MYH11: variants seen among roughly 807,000 people sequenced by gnomAD.
The protein encoded by MYH11 is myosin heavy chain 11.
MYH11 carries 80 observed loss-of-function variants against 246.6 expected under a neutral mutation model. The observed-to-expected ratio is 0.32, with a 90% confidence interval of 0.27 to 0.39. The LOEUF (loss-of-function observed/expected upper bound fraction) is 0.39. Ranked by LOEUF, MYH11 falls within the 10% of genes least tolerant of loss-of-function variation. MYH11 has a pLI of 1.00. For missense variants in MYH11, 2,158 were observed against 2,546.8 expected, an observed-to-expected ratio of 0.85 and a Z score of 3.29; for synonymous variants, 1,071 against 1,015.5, an observed-to-expected ratio of 1.05 and a Z score of -1.04.
chr16:15,822,099 G>A (rs2043429700), intron 3 of MYH11, among the ~76,000 whole-genome samples: 4 of 152,202 alleles, frequency 2.6e-5, no homozygotes, highest in African/African-American at 7.2e-5. Flanking sequence ...CTCACTGTCA[G>A]AAAGTTGGGG....
chr16:15,785,008 A>ATTTTTTTTTTTTTT lies in MYH11; in HGVS notation c.633+1608_633+1621dup, dbSNP rs398028825. On this transcript the variant is annotated intron_variant, in intron 5 of 40. Transcript: ENST00000300036. The stretch of plus-strand genomic sequence containing the variant: ...ACACCAGGCCCAGCTAATTCTCTTG[A>ATTTTTTTTTTTTTT]TTTTTTTTTTTTTTTTTTTTTGGTA... 1.1e-3 allele frequency: 107 copies of ATTTTTTTTTTTTTT among 97,926 alleles called. 11 individuals carry two copies. The highest frequency in any genetic ancestry group is 1.5e-3 in the Non-Finnish European group (83 of 57,220). The allele number at this position is 97,926 out of a possible 1,614,324, so 6.1% of individuals were successfully genotyped here. A position where few individuals can be genotyped will look rare whatever the true frequency, so the allele number is the denominator to read the frequency against.
intron 34 of MYH11, 120 bp from the exon 35 acceptor site, chr16:15,719,833 C>A: frequency 7.1e-7 from 1 of 1,410,702 alleles, no homozygotes; most frequent in East Asian, 2.3e-5. Context: ...AAGAAGTTCC[C>A]ATTGCACGAG....
At chr16:15,814,307 C>T (rs894965400) in intron 3 of MYH11, among the ~76,000 whole-genome samples, 1 of 151,976 alleles carries the variant, frequency 6.6e-6, no homozygotes, top group African/African-American at 2.4e-5. Flanking sequence ...AATCCCAGCA[C>T]TTTGGGAGGC....
chr16:15,707,145 T>A (rs1596670269), intron 40 of MYH11, among the ~76,000 whole-genome samples: 1 of 152,068 alleles, frequency 6.6e-6, no homozygotes, highest in East Asian at 1.9e-4. Flanking sequence ...TTCAAGCGAT[T>A]CTCCTGCCTC....
intron 15 of MYH11, among the ~76,000 whole-genome samples, chr16:15,751,452 C>T (rs1362822771): frequency 6.6e-6 from 1 of 151,324 alleles, no homozygotes; most frequent in Admixed American, 6.6e-5. Flanking sequence ...CGTGAGCTAC[C>T]GCGCCCGGCC....
intron 40 of MYH11, among the ~76,000 whole-genome samples, chr16:15,705,364 C>A (rs185285647): frequency 6.6e-6 from 1 of 152,258 alleles, no homozygotes; most frequent in Non-Finnish European, 1.5e-5. Flanking sequence ...CTGGTTCTCT[C>A]TTGAGTTTAT....
chr16:15,828,008 G>A (rs1170412319), intron 2 of MYH11, among the ~76,000 whole-genome samples: 1 of 152,180 alleles, frequency 6.6e-6, no homozygotes, highest in African/African-American at 2.4e-5. Context: ...TTGAATGTAG[G>A]TATCATTTAC....
chr16:15,827,947 C>T (rs571337845), intron 2 of MYH11, among the ~76,000 whole-genome samples: 1 of 152,188 alleles, frequency 6.6e-6, no homozygotes, highest in East Asian at 1.9e-4. Context: ...TCCTTCAGGC[C>T]TCGACTCCAT....
intron 2 of MYH11, among the ~76,000 whole-genome samples, chr16:15,833,504 C>A (rs2043809782): frequency 6.6e-6 from 1 of 152,034 alleles, no homozygotes; most frequent in Non-Finnish European, 1.5e-5. Context: ...GCGTCAAAGC[C>A]ATGCTCCCCG....
At chr16:15,732,421 A>G (rs1334308049) in intron 27 of MYH11, 143 bp downstream of exon 27, 3 of 1,292,440 alleles carry the variant, frequency 2.3e-6, no homozygotes, top group Non-Finnish European at 3.3e-6. Context: ...CATTTTGTAA[A>G]TAAATATAAG....
chr16:15,779,850 C>T (rs2042305514), intron 6 of MYH11, among the ~76,000 whole-genome samples: 1 of 152,234 alleles, frequency 6.6e-6, no homozygotes, highest in Non-Finnish European at 1.5e-5. Flanking sequence ...GTTTCCTCAA[C>T]AGGTGAGACA....
At chr16:15,727,224 G>T (rs1184283891) in intron 27 of MYH11, among the ~76,000 whole-genome samples, 170 bp from the exon 28 acceptor site, 4 of 151,330 alleles carry the variant, frequency 2.6e-5, no homozygotes, top group African/African-American at 9.8e-5. Flanking sequence ...TTTTGAGATG[G>T]AGTCTTAACT....
At chr16:15,817,765 A>G (rs2043298389) in intron 3 of MYH11, among the ~76,000 whole-genome samples, 2 of 151,826 alleles carry the variant, frequency 1.3e-5, no homozygotes, top group Admixed American at 1.3e-4. Flanking sequence ...CCTCTAAACC[A>G]GCTCCTGCCA....
chr16:15,816,485 C>A (rs1340234412), intron 3 of MYH11, among the ~76,000 whole-genome samples: 2 of 152,060 alleles, frequency 1.3e-5, no homozygotes, highest in African/African-American at 2.4e-5. Context: ...AGTCACAAAG[C>A]AGTGCAAAGC....
chr16:15,763,940 G>T, intron 9 of MYH11, 49 bp from the exon 10 acceptor site: 1 of 1,494,528 alleles, frequency 6.7e-7, no homozygotes, highest in Non-Finnish European at 9.3e-7. Context: ...CAATGCCAAG[G>T]TACCCTGGAG....
At chr16:15,827,936 C>T (rs2043615614) in intron 2 of MYH11, among the ~76,000 whole-genome samples, 1 of 152,212 alleles carries the variant, frequency 6.6e-6, no homozygotes, top group African/African-American at 2.4e-5. Context: ...AAGCCCCACC[C>T]TCCTTCAGGC....
In MYH11 at chr16:15,760,685, G is replaced by A. The variant is rs745573181; in HGVS notation, c.1130-27C>T. On this transcript the variant is annotated intron_variant, in intron 10 of 40. Transcript: ENST00000300036. Reference sequence around the variant, plus strand: ...TGGATGGAGAAAAGAAACATCGTGAGTGCATCACAAAAGAAATAGCTTGGC... The same window carrying A: ...TGGATGGAGAAAAGAAACATCGTGAATGCATCACAAAAGAAATAGCTTGGC... 4.9e-6 allele frequency: 7 copies of A among 1,428,508 alleles called. No homozygotes were observed. The Admixed American group carries it at 5.0e-5, about 10-fold the overall frequency. 88.5% of individuals were successfully genotyped at this position (1,428,508 alleles called of 1,614,324 possible). A position where few individuals can be genotyped will look rare whatever the true frequency, so the allele number is the denominator to read the frequency against.
chr16:15,754,083 G>A (rs1250131023), intron 14 of MYH11, among the ~76,000 whole-genome samples: 1 of 151,990 alleles, frequency 6.6e-6, no homozygotes, highest in African/African-American at 2.4e-5. Context: ...CAGGCATGGT[G>A]GTGCACACCT....
intron 3 of MYH11, 104 bp from the exon 4 acceptor site, chr16:15,798,791 A>C: frequency 1.6e-6 from 2 of 1,223,718 alleles, no homozygotes; most frequent in Non-Finnish European, 2.4e-6. Context: ...AAGCTTCTCC[A>C]TGCTGGCCTC....
Sources: allele counts gnomAD v4.1 joint callset (sites outside exome capture counted in the v4.1 genomes callset), GRCh38; gene constraint gnomAD v4.1.1; transcripts MANE v1.5; gene names NCBI Gene and HGNC (gene_info 2026-07-23, HGNC 2026-07-21).